IREB2: variants seen among roughly 807,000 people sequenced by gnomAD.
The protein encoded by IREB2 is iron responsive element binding protein 2, also known as iron-responsive element-binding protein 2.
A neutral mutation model predicts 118.8 loss-of-function variants in IREB2; 39 were observed. The ratio of observed to expected loss-of-function variants is 0.33; its 90% CI spans 0.25 to 0.43. The LOEUF (loss-of-function observed/expected upper bound fraction) is 0.43. Among genes scored for constraint, IREB2 ranks in the 20% least tolerant of loss-of-function variants. The probability of loss-of-function intolerance (pLI) is 1.00; values close to 1 mark genes in which losing one functional copy is unlikely to be tolerated. For synonymous variants in IREB2, 372 were observed against 392.2 expected, an observed-to-expected ratio of 0.95 and a Z score of 0.61; for missense variants, 900 against 1,147.3, an observed-to-expected ratio of 0.78 and a Z score of 3.11.
Position 78,484,972 on chromosome 15 carries a change from C to T in IREB2, c.1573+52C>T, listed in dbSNP as rs563236791. Reference sequence around the variant, plus strand: ...TTTCTTTTTCCTTAATTATTGTTGGCTTTTCTGTTATTGTAACTTTGTTTC... The same window carrying T: ...TTTCTTTTTCCTTAATTATTGTTGGTTTTTCTGTTATTGTAACTTTGTTTC... On this transcript the variant is annotated intron_variant, in intron 12 of 21. Transcript: ENST00000258886. The T allele has an allele frequency of 1.7e-5, 25 of 1,512,698 alleles. No homozygotes were observed. In the South Asian group the frequency reaches 3.0e-4, roughly 18 times the overall value. The allele number at this position is 1,512,698 out of a possible 1,614,324, so 93.7% of individuals were successfully genotyped here.
At chr15:78,468,940 TTTA>T (rs2051329656) in intron 5 of IREB2, among the ~76,000 whole-genome samples, 1 of 152,206 alleles carries the variant, frequency 6.6e-6, no homozygotes, top group African/African-American at 2.4e-5. Context: ...AAAAGGAAGA[TTTA>T]TTGATTCAAA....
chr15:78,488,370 C>G, intron 15 of IREB2, 34 bp downstream of exon 15: 2 of 1,469,182 alleles, frequency 1.4e-6, no homozygotes, highest in Non-Finnish European at 1.8e-6. Context: ...TATACCTACA[C>G]ATACTTTTCC....
At chr15:78,475,403 A>C (rs1321140316) in intron 8 of IREB2, 1 of 152,238 alleles carries the variant, frequency 6.6e-6, no homozygotes, top group Non-Finnish European at 1.5e-5. Context: ...CCTGTGATTA[A>C]AGATGCTGTA....
intron 6 of IREB2, among the ~76,000 whole-genome samples, chr15:78,471,459 C>G (rs1489239383): frequency 6.6e-6 from 1 of 152,168 alleles, no homozygotes; most frequent in Non-Finnish European, 1.5e-5. Flanking sequence ...GTACATTGAG[C>G]CTTTCTTCCT....
At chr15:78,492,772 C>G (rs2051773266) in intron 18 of IREB2, among the ~76,000 whole-genome samples, 1 of 152,158 alleles carries the variant, frequency 6.6e-6, no homozygotes, top group Non-Finnish European at 1.5e-5. Flanking sequence ...GTTGCACAGG[C>G]TGGTCTCCAA....
chr15:78,490,052 C>T (rs1405150851), intron 16 of IREB2, among the ~76,000 whole-genome samples: 1 of 152,042 alleles, frequency 6.6e-6, no homozygotes, highest in Non-Finnish European at 1.5e-5. Context: ...TCCTGAACAT[C>T]TGGTATGCTA....
intron 20 of IREB2, among the ~76,000 whole-genome samples, chr15:78,494,783 G>A (rs950301992): frequency 6.6e-6 from 1 of 152,118 alleles, no homozygotes; most frequent in Non-Finnish European, 1.5e-5. Flanking sequence ...ATTTTGCTCA[G>A]GCTGATCTTG....
At chr15:78,455,665 T>C (rs1334353977) in intron 2 of IREB2, among the ~76,000 whole-genome samples, 1 of 152,360 alleles carries the variant, frequency 6.6e-6, no homozygotes, top group East Asian at 1.9e-4. Context: ...TACTGGAATA[T>C]CTACCTGTAG....
In IREB2 at chr15:78,438,640, C is replaced by T. The variant is rs2050794375; in HGVS notation, c.19+284C>T. 3 of 473,564 alleles carry T rather than the reference C, an allele frequency of 6.3e-6. No individual in the cohort carries two copies. The East Asian group carries it at 1.1e-4, about 17-fold the overall frequency. The allele number at this position is 473,564 out of a possible 1,614,324, so 29.3% of individuals were successfully genotyped here. A position where few individuals can be genotyped will look rare whatever the true frequency, so the allele number is the denominator to read the frequency against. ...CTCTCCGGTGGCCGCTGCCTGCTGC[C>T]AGCGGCTTCCTGGCCCCCGTCAGCA... On this transcript the variant is annotated intron_variant, in intron 1 of 21. Transcript: ENST00000258886.
Position 78,438,271 on chromosome 15 carries a change from C to A in IREB2, c.-67C>A. The A allele has an allele frequency of 7.8e-7, 1 of 1,282,632 alleles. No homozygotes were observed. 79.5% of individuals were successfully genotyped at this position (1,282,632 alleles called of 1,614,324 possible). A position where few individuals can be genotyped will look rare whatever the true frequency, so the allele number is the denominator to read the frequency against. On this transcript the variant is annotated 5_prime_UTR_variant, in exon 1 of 22. Coordinates refer to ENST00000258886, the MANE Select transcript of IREB2 (RefSeq NM_004136.4). ...GTCCGCCTGTCTTCCTCCCCGTCTT[C>A]CCTGCCCGGCCTCCCCCTTCTTCCC...
intron 2 of IREB2, among the ~76,000 whole-genome samples, chr15:78,449,124 G>C (rs992151306): frequency 5.3e-5 from 8 of 152,174 alleles, no homozygotes; most frequent in Admixed American, 5.2e-4. Context: ...AGGAAACTTA[G>C]TCTTAAACTC....
intron 16 of IREB2, among the ~76,000 whole-genome samples, chr15:78,489,010 C>T (rs534956726): frequency 1.3e-3 from 191 of 152,056 alleles, no homozygotes; most frequent in South Asian, 4.0e-3. Flanking sequence ...ACGTGAGGTC[C>T]GGAGCTCAAG....
intron 2 of IREB2, among the ~76,000 whole-genome samples, chr15:78,446,221 G>A (rs2050926623): frequency 6.6e-6 from 1 of 152,336 alleles, no homozygotes; most frequent in African/African-American, 2.4e-5. Context: ...GGTAAGCAAT[G>A]TAACAGTTTG....
rs1445270232 is a variant in IREB2, at chr15:78,466,327, T to A, written c.467T>A (p.Leu156His). The change falls in exon 5 of 22, where the codon CTC (leucine) becomes CAC (histidine). Residue 156 changes from leucine to histidine, a missense_variant. Leu to His is a moderately conservative substitution (Grantham distance 99, BLOSUM62 -3). Transcript: ENST00000258886. ...GGGDLQKAGKLSPLKVQPKKL... is the reference protein window; with the variant it reads ...GGGDLQKAGKHSPLKVQPKKL... ...GGTGACCTGCAGAAAGCAGGAAAGCTCTCTCCACTTAAAGTGCAGCCTAAG... is the reference window on the plus strand; with the variant it reads ...GGTGACCTGCAGAAAGCAGGAAAGCACTCTCCACTTAAAGTGCAGCCTAAG... The A allele has an allele frequency of 6.2e-7, 1 of 1,613,874 alleles. No homozygotes were observed. Among genetic ancestry groups the A allele is most frequent in the Non-Finnish European group, 8.5e-7 (1 of 1,179,934 alleles).
intron 18 of IREB2, among the ~76,000 whole-genome samples, chr15:78,491,604 T>A (rs1372402795): frequency 6.6e-6 from 1 of 152,108 alleles, no homozygotes; most frequent in Non-Finnish European, 1.5e-5. Flanking sequence ...TTCAAGCAAT[T>A]CTCCTACCTC....
intron 12 of IREB2, 131 bp from the exon 13 acceptor site, chr15:78,485,574 A>T: frequency 1.1e-6 from 1 of 949,226 alleles, no homozygotes; most frequent in Non-Finnish European, 1.6e-6. Context: ...AAGTGGACAA[A>T]ATAATGACAG....
In IREB2 at chr15:78,499,731, C is replaced by G. The variant is rs1214835549; in HGVS notation, c.*1588C>G. The G allele has an allele frequency of 1.3e-5, 2 of 152,148 alleles. No homozygotes were observed. The highest frequency in any genetic ancestry group is 1.5e-5 in the Non-Finnish European group (1 of 68,038). The allele number at this position is 152,148 out of a possible 1,614,324, so 9.4% of individuals were successfully genotyped here. ...TATGCTGTATATTTATTTGTTAGTGCATGTGTTTTTAATTTACATGAAAAC... is the reference window on the plus strand; with the variant it reads ...TATGCTGTATATTTATTTGTTAGTGGATGTGTTTTTAATTTACATGAAAAC... On this transcript the variant is annotated 3_prime_UTR_variant, in exon 22 of 22. Coordinates refer to ENST00000258886, the MANE Select transcript of IREB2 (RefSeq NM_004136.4).
chr15:78,444,119 A>G (rs2050889524), intron 2 of IREB2, among the ~76,000 whole-genome samples: 1 of 151,708 alleles, frequency 6.6e-6, no homozygotes, highest in African/African-American at 2.4e-5. Context: ...GTGCTCTGAC[A>G]TGATGATAGC....
chr15:78,477,164 A>G (rs1209324211), intron 9 of IREB2, among the ~76,000 whole-genome samples: 1 of 152,200 alleles, frequency 6.6e-6, no homozygotes, highest in East Asian at 1.9e-4. Context: ...GAACATTCAA[A>G]GTAGAAATGG....
Sources: gnomAD v4.1 joint callset for allele counts (sites outside exome capture counted in the v4.1 genomes callset) on GRCh38, gnomAD v4.1.1 for gene constraint, MANE v1.5 for transcripts, NCBI Gene and HGNC (gene_info 2026-07-23, HGNC 2026-07-21) for gene names.